Variants in ZFAT observed in about 807,000 individuals in gnomAD.
ZFAT encodes the protein zinc finger and AT-hook domain containing.
ZFAT carries 64 observed loss-of-function variants against 117.7 expected under a neutral mutation model. The ratio of observed to expected loss-of-function variants is 0.54; its 90% CI spans 0.44 to 0.67. The LOEUF is 0.67. ZFAT is among the 30% of genes least tolerant of loss of function. ZFAT has a pLI of 0.00. For synonymous variants in ZFAT, 679 were observed against 615.0 expected (o/e 1.10, Z -1.54); for missense variants, 1,433 against 1,584.5 (o/e 0.90, Z 1.62).
chr8:134,488,422 C>T (rs1371639892), intron 15 of ZFAT, among the ~76,000 whole-genome samples: 2 of 152,208 alleles, frequency 1.3e-5, no homozygotes, highest in Admixed American at 1.3e-4. Flanking sequence ...AGTTACATAA[C>T]ATCAGCACCT....
chr8:134,568,056 T>C (rs1332225800), intron 10 of ZFAT, among the ~76,000 whole-genome samples: 1 of 152,228 alleles, frequency 6.6e-6, no homozygotes, highest in Non-Finnish European at 1.5e-5. Context: ...CCCCAGCACA[T>C]GAGTGCACAC....
intron 14 of ZFAT, among the ~76,000 whole-genome samples, chr8:134,511,795 G>A (rs906717291): frequency 6.6e-6 from 1 of 151,832 alleles, no homozygotes; most frequent in Non-Finnish European, 1.5e-5. Context: ...GTTTTTTTTA[G>A]AACTGATTTA....
In ZFAT at chr8:134,559,370, A is replaced by G. The variant is rs193097489; in HGVS notation, c.2976+5963T>C. 2.6e-3 allele frequency among the ~76,000 whole-genome samples: 400 copies of G among 152,248 alleles called. 1 individual carries two copies. Among genetic ancestry groups the G allele is most frequent in the African/African-American group, 9.4e-3 (389 of 41,558 alleles). On this transcript the variant is annotated intron_variant, in intron 11 of 15. Coordinates refer to ENST00000377838, the MANE Select transcript of ZFAT (RefSeq NM_020863.4). ...CCTCATATATCTTAAATATCTTTCTATAGAAGTAGAGAGATCCCATATTCT... is the reference window on the plus strand; with the variant it reads ...CCTCATATATCTTAAATATCTTTCTGTAGAAGTAGAGAGATCCCATATTCT...
rs1241312416 is a variant in ZFAT, at chr8:134,512,571, T to G, written c.3265A>C (p.Thr1089Pro). 6.2e-7 allele frequency: 1 copy of G among 1,613,926 alleles called. No homozygotes were observed. Among genetic ancestry groups the G allele is most frequent in the East Asian group, 2.2e-5 (1 of 44,892 alleles). ...TATEAPEEPS[T>P]QYLHITEAEE... The stretch of plus-strand genomic sequence containing the variant: ...GCCTCTGTGATGTGGAGATACTGGG[T>G]GGAGGGCTCCTCAGGAGCTTCTGTT... Residue 1089 changes from threonine (T) to proline (P), a missense_variant, in exon 14 of 16, where the codon ACC (threonine) becomes CCC (proline). By Grantham distance (38) the Thr-to-Pro change is conservative. Transcript: ENST00000377838.
chr8:134,808,920 T>A, the ZFAT span, among the ~76,000 whole-genome samples: 1 of 152,236 alleles, frequency 6.6e-6, no homozygotes, highest in African/African-American at 2.4e-5. Context: ...CCTAAGATAC[T>A]ATAAACAATC....
upstream of ZFAT, among the ~76,000 whole-genome samples, chr8:134,713,751 C>G (rs1234800125): frequency 1.3e-5 from 2 of 152,120 alleles, no homozygotes; most frequent in Non-Finnish European, 2.9e-5. Context: ...TTAGCTCCAA[C>G]ACTGTAGTCC....
At chr8:134,570,241 T>C (rs915988344) in intron 10 of ZFAT, among the ~76,000 whole-genome samples, 4 of 152,210 alleles carry the variant, frequency 2.6e-5, no homozygotes, top group African/African-American at 9.6e-5. Flanking sequence ...TTTCAGACCA[T>C]TCTGTTTAAA....
intron 15 of ZFAT, among the ~76,000 whole-genome samples, chr8:134,497,965 T>C (rs1818612613): frequency 7.1e-6 from 1 of 141,076 alleles, no homozygotes; most frequent in African/African-American, 2.7e-5. Context: ...TTTGGTAGGG[T>C]TGGGGTGGAG....
chr8:134,482,674 A>G (rs1466859540), intron 15 of ZFAT, among the ~76,000 whole-genome samples: 1 of 152,230 alleles, frequency 6.6e-6, no homozygotes, highest in Non-Finnish European at 1.5e-5. Context: ...CAGAATCCCC[A>G]TGAAATTCAT....
At chr8:134,713,381 A>G (rs1040412627), upstream of ZFAT, among the ~76,000 whole-genome samples, 48 of 152,202 alleles carry the variant, frequency 3.2e-4, no homozygotes, top group African/African-American at 1.1e-3. Context: ...TCTACCTCTC[A>G]CTACCTAACT....
intron 11 of ZFAT, among the ~76,000 whole-genome samples, chr8:134,556,665 T>C (rs1445623721): frequency 6.6e-6 from 1 of 152,192 alleles, no homozygotes; most frequent in Non-Finnish European, 1.5e-5. Flanking sequence ...TTTAGAGTGA[T>C]GTCCCCCTAG....
chr8:134,657,555 C>A lies in ZFAT; in HGVS notation c.196+6G>T. The A allele has an allele frequency of 1.2e-6, 2 of 1,608,128 alleles. No homozygotes were observed. Among genetic ancestry groups the A allele is most frequent in the East Asian group, 4.5e-5 (2 of 44,710 alleles). ...GGTATCCTGCCCCACCCCCCAGCCCCCTTACCATCTCCGGTTTTGCTTGAG... is the reference window on the plus strand; with the variant it reads ...GGTATCCTGCCCCACCCCCCAGCCCACTTACCATCTCCGGTTTTGCTTGAG... On this transcript the variant is annotated splice_donor_region_variant and intron_variant, in intron 2 of 15. Transcript: ENST00000377838.
intron 12 of ZFAT, among the ~76,000 whole-genome samples, chr8:134,526,970 C>T (rs2130518513): frequency 6.6e-6 from 1 of 152,176 alleles, no homozygotes; most frequent in Non-Finnish European, 1.5e-5. Context: ...AACATGTGAA[C>T]ATGTTACCTT....
intron 3 of ZFAT, among the ~76,000 whole-genome samples, chr8:134,624,575 T>C (rs1829366572): frequency 6.6e-6 from 1 of 152,290 alleles, no homozygotes; most frequent in African/African-American, 2.4e-5. Flanking sequence ...GAGAATCGCT[T>C]GAACCCAGGA....
At chr8:134,516,524 G>C (rs1282810584) in intron 13 of ZFAT, among the ~76,000 whole-genome samples, 1 of 152,118 alleles carries the variant, frequency 6.6e-6, no homozygotes, top group African/African-American at 2.4e-5. Context: ...GTTTTGTTCT[G>C]TTTTGTTTTG....
rs369991166 is a variant in ZFAT at position 134,601,842 on chromosome 8, G to A, written c.1877C>T (p.Thr626Met). The change falls in exon 6 of 16, where the codon ACG (threonine) becomes ATG (methionine). Residue 626 changes from threonine to methionine, a missense_variant. By Grantham distance (81) the Thr-to-Met change is moderately conservative. This residue lies in a region of ZFAT where 372 missense variants were observed against 355.6 expected (regional missense o/e 1.05). Transcript: ENST00000377838. ...CAGTAGTGTGATCACTTCACCTTGC[G>A]TCTGGACTGAGCTTCTGTGCTGCAT... ...PDMQHRSSVQ[T>M]QGEVITLLLS... is the part of the protein sequence containing the mutation. The A allele has an allele frequency of 3.4e-5, 55 of 1,612,906 alleles. No homozygotes were observed. The highest frequency in any genetic ancestry group is 1.7e-4 in the Middle Eastern group (1 of 6,056).
At chr8:134,639,167 G>A (rs1830441661) in intron 2 of ZFAT, among the ~76,000 whole-genome samples, 1 of 152,192 alleles carries the variant, frequency 6.6e-6, no homozygotes, top group Non-Finnish European at 1.5e-5. Context: ...GAGCAGAGAT[G>A]GGCAGAACAG....
At chr8:134,510,122 C>T in intron 14 of ZFAT, 1 of 459,412 alleles carries the variant, frequency 2.2e-6, no homozygotes, top group South Asian at 1.5e-5. Flanking sequence ...CCTGGGAGCA[C>T]CCAGCAAGCC....
chr8:134,733,030 G>A, the ZFAT span, among the ~76,000 whole-genome samples: 1 of 152,126 alleles, frequency 6.6e-6, no homozygotes, highest in Non-Finnish European at 1.5e-5. Context: ...ACTAATATAA[G>A]GTGTTCATTA....
Sources: allele counts gnomAD v4.1 joint callset (sites outside exome capture counted in the v4.1 genomes callset), GRCh38; gene constraint gnomAD v4.1.1; regional missense constraint gnomAD v4.1.1; transcripts MANE v1.5; gene names NCBI Gene and HGNC (gene_info 2026-07-23, HGNC 2026-07-21).